The following STIMATE variants were observed in gnomAD, a reference collection of about 807,000 sequenced individuals.
STIMATE encodes the protein STIM activating enhancer, also known as store-operated calcium entry regulator STIMATE.
Under a neutral mutation model 36.7 loss-of-function variants are expected in STIMATE, and 15 were observed. That is an observed-to-expected ratio of 0.41 (90% CI 0.27 to 0.63). STIMATE has a LOEUF of 0.63. Ranked by LOEUF, STIMATE falls within the 20% of genes least tolerant of loss-of-function variation. The pLI is 0.32. For synonymous variants in STIMATE, 163 were observed against 162.3 expected (o/e 1.00, Z -0.03); for missense variants, 305 against 397.3 (o/e 0.77, Z 1.98).
At position 52,877,151 on chromosome 3, in the gene STIMATE, C is replaced by T. The variant is rs534021281; in HGVS notation, c.160+20140G>A. ...GCCTGTGGCTGCTTCTGCCATCACT[C>T]TTTAACACAGCTCACGCTTTTGGGC... is the stretch of plus-strand genomic sequence containing the variant. On this transcript the variant is annotated intron_variant, in intron 1 of 7. Coordinates refer to ENST00000355083, the MANE Select transcript of STIMATE (RefSeq NM_198563.5). Among the ~76,000 whole-genome samples the T allele has an allele frequency of 2.6e-5, 4 of 152,358 alleles. No homozygotes were observed. In the East Asian group the frequency reaches 5.8e-4, roughly 22 times the overall value.
chr3:52,884,779 A>G (rs1484159313), intron 1 of STIMATE, among the ~76,000 whole-genome samples: 1 of 152,200 alleles, frequency 6.6e-6, no homozygotes, highest in Non-Finnish European at 1.5e-5. Context: ...TTATTCCACT[A>G]TGTGGACATA....
intron 1 of STIMATE, among the ~76,000 whole-genome samples, chr3:52,860,384 C>T (rs574961942): frequency 2.0e-5 from 3 of 151,856 alleles, no homozygotes; most frequent in Admixed American, 6.6e-5. Context: ...GGAGAGCCCA[C>T]GCCCGAGGAA....
At chr3:52,876,411 A>C (rs1438551983) in intron 1 of STIMATE, among the ~76,000 whole-genome samples, 1 of 152,238 alleles carries the variant, frequency 6.6e-6, no homozygotes. Context: ...CATTATCGAA[A>C]AACAAGAATG....
chr3:52,889,274 C>T (rs1701742969), intron 1 of STIMATE, among the ~76,000 whole-genome samples: 1 of 152,214 alleles, frequency 6.6e-6, no homozygotes, highest in African/African-American at 2.4e-5. Context: ...AGCCCAACCC[C>T]TCCAAAGCCT....
At chr3:52,859,502 CAAAAAAAAAA>C (rs34298807) in intron 1 of STIMATE, among the ~76,000 whole-genome samples, 6 of 15,636 alleles carry the variant, frequency 3.8e-4, no homozygotes, top group Non-Finnish European at 5.8e-4. Flanking sequence ...CCCATTTCTC[CAAAAAAAAAA>C]AAAAAAAAAA....
intron 1 of STIMATE, among the ~76,000 whole-genome samples, chr3:52,890,519 G>A (rs1409063644): frequency 3.3e-5 from 5 of 152,214 alleles, no homozygotes; most frequent in South Asian, 2.1e-4. Flanking sequence ...AGGCAGGCTG[G>A]GGATGCTGTT....
chr3:52,868,141 C>T (rs1425605524), intron 1 of STIMATE, among the ~76,000 whole-genome samples: 1 of 152,214 alleles, frequency 6.6e-6, no homozygotes, highest in Non-Finnish European at 1.5e-5. Flanking sequence ...CAAACCTCCT[C>T]AATGCCCTGT....
At chr3:52,867,123 G>A (rs902719260) in intron 1 of STIMATE, among the ~76,000 whole-genome samples, 2 of 152,212 alleles carry the variant, frequency 1.3e-5, no homozygotes, top group African/African-American at 4.8e-5. Flanking sequence ...ACCCCCTGCT[G>A]AGGATACAGA....
rs183923160 is a variant in STIMATE at position 52,876,653 on chromosome 3, T to C, written c.160+20638A>G. On this transcript the variant is annotated intron_variant, in intron 1 of 7. Transcript: ENST00000355083. Reference sequence around the variant, plus strand: ...TGATAATCCACTTCCATTTAATGAATAGCAGATACATTTTCTCTTCCTTAT... The same window carrying C: ...TGATAATCCACTTCCATTTAATGAACAGCAGATACATTTTCTCTTCCTTAT... Among the ~76,000 whole-genome samples the C allele has an allele frequency of 4.8e-3, 728 of 152,358 alleles. 10 individuals are homozygous for C. The highest frequency in any genetic ancestry group is 0.017 in the African/African-American group (694 of 41,586).
In STIMATE at chr3:52,897,455, G is replaced by A. The variant is rs886751484; in HGVS notation, c.-5C>T. 3.8e-6 allele frequency: 5 copies of A among 1,317,190 alleles called. No homozygotes were observed. The South Asian group carries it at 6.2e-5, about 16-fold the overall frequency. The allele number at this position is 1,317,190 out of a possible 1,614,324, so 81.6% of individuals were successfully genotyped here. A position where few individuals can be genotyped will look rare whatever the true frequency, so the allele number is the denominator to read the frequency against. The stretch of plus-strand genomic sequence containing the variant: ...GTTCCCGGCGGGGCCCTGCATGACA[G>A]GCCTCGCGGGAGGGGCGCGAGGGCC... On this transcript the variant is annotated 5_prime_UTR_variant, in exon 1 of 8. Coordinates refer to ENST00000355083, the MANE Select transcript of STIMATE (RefSeq NM_198563.5).
intron 1 of STIMATE, among the ~76,000 whole-genome samples, chr3:52,874,869 A>G (rs1007165294): frequency 6.6e-6 from 1 of 152,160 alleles, no homozygotes; most frequent in Non-Finnish European, 1.5e-5. Flanking sequence ...AAATAAAATA[A>G]AGGTCTCTGC....
chr3:52,854,548 G>A (rs1002532639), intron 2 of STIMATE, among the ~76,000 whole-genome samples: 2 of 152,214 alleles, frequency 1.3e-5, no homozygotes, highest in African/African-American at 4.8e-5. Context: ...TCTGGACCTC[G>A]CCCTATGCAC....
chr3:52,872,065 C>T (rs937896051), intron 1 of STIMATE, among the ~76,000 whole-genome samples: 5 of 152,188 alleles, frequency 3.3e-5, no homozygotes, highest in African/African-American at 9.7e-5. Context: ...CCTGTCTCAG[C>T]GCTCAGGAAG....
At chr3:52,869,017 C>A (rs772322264) in intron 1 of STIMATE, among the ~76,000 whole-genome samples, 2 of 152,088 alleles carry the variant, frequency 1.3e-5, no homozygotes, top group Non-Finnish European at 2.9e-5. Flanking sequence ...TTTGCCATTG[C>A]CAAAATGGCA....
chr3:52,852,259 A>C (rs2336559), intron 3 of STIMATE, among the ~76,000 whole-genome samples: 135,514 of 152,236 alleles, frequency 0.89, 62,216 homozygotes, highest in Non-Finnish European at 1. Context: ...CTGGTTCCAG[A>C]GCAGAGACAC....
intron 1 of STIMATE, among the ~76,000 whole-genome samples, chr3:52,892,782 C>A (rs1440359827): frequency 2.6e-5 from 4 of 152,212 alleles, no homozygotes; most frequent in African/African-American, 9.7e-5. Flanking sequence ...ATCACCAAGT[C>A]ATCAACCTTA....
At chr3:52,863,505 T>C (rs954038620) in intron 1 of STIMATE, among the ~76,000 whole-genome samples, 7 of 152,168 alleles carry the variant, frequency 4.6e-5, no homozygotes, top group African/African-American at 1.7e-4. Flanking sequence ...AGGTGAGATT[T>C]GGGTGGGGAC....
intron 1 of STIMATE, among the ~76,000 whole-genome samples, chr3:52,866,667 T>C (rs1701317993): frequency 6.6e-6 from 1 of 152,204 alleles, no homozygotes; most frequent in African/African-American, 2.4e-5. Context: ...ACTTGGCATG[T>C]GGAGGGCGGG....
intron 6 of STIMATE, 173 bp from the exon 7 acceptor site, chr3:52,843,133 T>C (rs957705726): frequency 5.6e-6 from 7 of 1,239,852 alleles, no homozygotes; most frequent in African/African-American, 4.6e-5. Context: ...ATTCCCAGTC[T>C]CCACATCCTC....
Sources: gnomAD v4.1 joint callset for allele counts (sites outside exome capture counted in the v4.1 genomes callset) on GRCh38, gnomAD v4.1.1 for gene constraint, MANE v1.5 for transcripts, NCBI Gene and HGNC (gene_info 2026-07-23, HGNC 2026-07-21) for gene names.